Variants in ZNF561 observed in about 807,000 individuals in gnomAD.
ZNF561 encodes the protein zinc finger protein 561.
A neutral mutation model predicts 16.7 loss-of-function variants in ZNF561; 16 were observed. The observed-to-expected ratio is 0.96, with a 90% CI of 0.65 to 1.45. ZNF561 has a LOEUF of 1.45. Ranked by LOEUF, ZNF561 falls within the 40% of genes most tolerant of loss-of-function variation. The pLI is 0.00. For missense variants in ZNF561, 580 were observed against 578.0 expected (o/e 1.00, Z -0.04); for synonymous variants, 190 against 192.1 (o/e 0.99, Z 0.09).
Position 9,617,141 on chromosome 19 carries a change from C to T in ZNF561, c.145G>A (p.Asp49Asn). The change falls in exon 4 of 6, where the codon GAC (aspartate) becomes AAC (asparagine). Residue 49 changes from aspartate to asparagine, a missense_variant. Physicochemically the swap from Asp to Asn is conservative, Grantham distance 23. Transcript: ENST00000302851. Reference protein sequence around the residue: ...DSVTFDDVAVDFTPEEWALLD... With the variant: ...DSVTFDDVAVNFTPEEWALLD... ...AAAGCCCACTCCTCTGGGGTGAAGT[C>T]CACAGCCACATCATCAAACGTCACT... The T allele has an allele frequency of 6.2e-7, 1 of 1,613,326 alleles. No individual in the cohort carries two copies. Among genetic ancestry groups the T allele is most frequent in the Non-Finnish European group, 8.5e-7 (1 of 1,179,502 alleles).
Position 9,610,995 on chromosome 19 carries a change from C to T in ZNF561, c.666G>A (p.Glu222=). Residue 222 remains glutamate (E), a synonymous_variant, in exon 6 of 6, where the codon GAG becomes GAA. Transcript: ENST00000302851. ...LDNHMGIHTD[E]KLCEFQEYGR... is the part of the protein sequence containing the mutation. Reference sequence around the variant, plus strand: ...CATATTCCTGAAATTCACAGAGTTTCTCATCAGTGTGGATTCCCATATGAT... The same window carrying T: ...CATATTCCTGAAATTCACAGAGTTTTTCATCAGTGTGGATTCCCATATGAT... 1 of 1,614,166 alleles carries T rather than the reference C, an allele frequency of 6.2e-7. No individual in the cohort carries two copies. Among genetic ancestry groups the T allele is most frequent in the Non-Finnish European group, 8.5e-7 (1 of 1,180,028 alleles).
chr19:9,619,839 C>CTATCTATCTA (rs2074627428), intron 1 of ZNF561, among the ~76,000 whole-genome samples: 1 of 147,684 alleles, frequency 6.8e-6, no homozygotes, highest in Non-Finnish European at 1.5e-5. Context: ...ATCATTACCT[C>CTATCTATCTA]TATCTATCTA....
intron 2 of ZNF561, among the ~76,000 whole-genome samples, chr19:9,618,435 T>C (rs2074598551): frequency 1.3e-5 from 2 of 152,086 alleles, no homozygotes; most frequent in Admixed American, 6.6e-5. Flanking sequence ...CCCTGAAAAA[T>C]GTGACTCTCG....
At chr19:9,612,421 T>C (rs2074477378) in intron 5 of ZNF561, among the ~76,000 whole-genome samples, 2 of 152,166 alleles carry the variant, frequency 1.3e-5, no homozygotes, top group Admixed American at 1.3e-4. Flanking sequence ...GGTTTCCCCA[T>C]GTTCGCCAGG....
At position 9,608,073 on chromosome 19, in the gene ZNF561, G is replaced by GT. The variant is rs2074381839; in HGVS notation, c.*2126dup. On this transcript the variant is annotated 3_prime_UTR_variant, in exon 6 of 6. Transcript: ENST00000302851. ...TTTGTAGTAGAGACAGGGTTTCACC[G>GT]TGTTAACTAGGACAGTCTCGATCTC... The GT allele has an allele frequency of 6.6e-6, 1 of 152,064 alleles. No individual in the cohort carries two copies. Among genetic ancestry groups the GT allele is most frequent in the Non-Finnish European group, 1.5e-5 (1 of 68,060 alleles). 9.4% of individuals were successfully genotyped at this position (152,064 alleles called of 1,614,324 possible).
chr19:9,611,410 G>A (rs1277878707), intron 5 of ZNF561, 74 bp from the exon 6 acceptor site: 1 of 1,395,668 alleles, frequency 7.2e-7, no homozygotes, highest in East Asian at 2.4e-5. Context: ...GAACACAGAA[G>A]CATTTTGATG....
chr19:9,617,476 C>T, intron 3 of ZNF561: 1 of 321,790 alleles, frequency 3.1e-6, no homozygotes, highest in Non-Finnish European at 5.0e-6. Flanking sequence ...TAGAACAGTA[C>T]TTCCTAAAGA....
intron 5 of ZNF561, among the ~76,000 whole-genome samples, chr19:9,613,689 G>A (rs1352758054): frequency 6.6e-6 from 1 of 152,060 alleles, no homozygotes; most frequent in Non-Finnish European, 1.5e-5. Flanking sequence ...GGCTAATTTT[G>A]TATTCTTAGT....
chr19:9,613,440 G>A (rs2074497618), intron 5 of ZNF561, among the ~76,000 whole-genome samples: 1 of 152,052 alleles, frequency 6.6e-6, no homozygotes, highest in Non-Finnish European at 1.5e-5. Flanking sequence ...TCATTACATT[G>A]GCCAGGCTGG....
intron 5 of ZNF561, among the ~76,000 whole-genome samples, chr19:9,613,783 T>C (rs1204521213): frequency 2.0e-5 from 3 of 152,116 alleles, no homozygotes; most frequent in Non-Finnish European, 4.4e-5. Flanking sequence ...TCCCAAAATG[T>C]TGGGATTACA....
intron 4 of ZNF561, among the ~76,000 whole-genome samples, chr19:9,614,977 T>A (rs1431070765): frequency 6.6e-6 from 1 of 151,944 alleles, no homozygotes; most frequent in African/African-American, 2.4e-5. Flanking sequence ...TAGCTGGGAC[T>A]AAAGGCGTGT....
Position 9,610,551 on chromosome 19 carries a change from A to G in ZNF561, c.1110T>C (p.Cys370=). ...SGKKPYQCKE[C]GKAFTTSTSL... Reference sequence around the variant, plus strand: ...TTGTGGATGTAGTGAAGGCTTTCCCACATTCCTTACACTGATAGGGTTTCT... The same window carrying G: ...TTGTGGATGTAGTGAAGGCTTTCCCGCATTCCTTACACTGATAGGGTTTCT... Residue 370 remains cysteine, a synonymous_variant, in exon 6 of 6, where the codon TGT becomes TGC. Transcript: ENST00000302851. 6.2e-7 allele frequency: 1 copy of G among 1,613,954 alleles called. No homozygotes were observed. The highest frequency in any genetic ancestry group is 8.5e-7 in the Non-Finnish European group (1 of 1,179,836).
chr19:9,618,712 C>T (rs530750719), intron 2 of ZNF561, among the ~76,000 whole-genome samples: 33 of 150,166 alleles, frequency 2.2e-4, no homozygotes, highest in Admixed American at 3.3e-4. Flanking sequence ...GGTGACAGAG[C>T]AAGACTCCGT....
chr19:9,619,561 T>C lies in ZNF561; in HGVS notation c.-105A>G, dbSNP rs2074621543. 1.7e-6 allele frequency: 2 copies of C among 1,168,324 alleles called. No individual in the cohort carries two copies. The highest frequency in any genetic ancestry group is 1.3e-5 in the South Asian group (1 of 77,668). The allele number at this position is 1,168,324 out of a possible 1,614,324, so 72.4% of individuals were successfully genotyped here. On this transcript the variant is annotated 5_prime_UTR_variant, in exon 2 of 6. Coordinates refer to ENST00000302851, the MANE Select transcript of ZNF561 (RefSeq NM_152289.3). ...GGATAGAGGCAATCTCCATTCCTCT[T>C]TGTACAGGGTTATTTGCGGTCCTGT...
intron 4 of ZNF561, among the ~76,000 whole-genome samples, chr19:9,615,769 A>AT (rs2074543816): frequency 7.2e-6 from 1 of 139,012 alleles, no homozygotes; most frequent in South Asian, 2.2e-4. Flanking sequence ...AAAAAAAAAA[A>AT]ATTTAACTGG....
rs746505594 is a variant in ZNF561 at position 9,611,273 on chromosome 19, G to C, written c.388C>G (p.Gln130Glu). ...CKNCGEVFRE[Q>E]FCLKTHMRVQ... ...CTCATGTGTGTCTTAAGGCAAAACT[G>C]TTCCCTGAAGACCTCTCCACAATTC... is the stretch of plus-strand genomic sequence containing the variant. Residue 130 changes from glutamine to glutamate, a missense_variant, in exon 6 of 6, where the codon CAG becomes GAG. Transcript: ENST00000302851. 13 of 1,613,796 alleles carry C rather than the reference G, an allele frequency of 8.1e-6. No homozygotes were observed. Among genetic ancestry groups the C allele is most frequent in the Admixed American group, 6.7e-5 (4 of 59,976 alleles).
Position 9,611,178 on chromosome 19 carries a change from T to C in ZNF561, c.483A>G (p.Glu161=). Reference sequence around the variant, plus strand: ...TGGAAAGTTCCTGTCCAGTAGAGGCTTCCTTGTGCACACTGAGGGTGTCTT... The same window carrying C: ...TGGAAAGTTCCTGTCCAGTAGAGGCCTCCTTGTGCACACTGAGGGTGTCTT... ...YGKDTLSVHK[E]ASTGQELSKF... is the part of the protein sequence containing the mutation. The change falls in exon 6 of 6, where the codon GAA becomes GAG. Residue 161 remains glutamate, a synonymous_variant. Coordinates refer to ENST00000302851, the MANE Select transcript of ZNF561 (RefSeq NM_152289.3). 6.2e-7 allele frequency: 1 copy of C among 1,613,982 alleles called. No homozygotes were observed. Among genetic ancestry groups the C allele is most frequent in the Non-Finnish European group, 8.5e-7 (1 of 1,179,864 alleles).
In ZNF561 at chr19:9,609,594, G is replaced by C. The variant is rs184152758; in HGVS notation, c.*606C>G. ...CCACCTTGACAGAAGTGAGAAGAGA[G>C]ACTGGATTATACTAGAAGAGACATT... On this transcript the variant is annotated 3_prime_UTR_variant, in exon 6 of 6. Transcript: ENST00000302851. 6.6e-6 allele frequency: 1 copy of C among 152,316 alleles called. No individual in the cohort carries two copies. The highest frequency in any genetic ancestry group is 2.4e-5 in the African/African-American group (1 of 41,446). 9.4% of individuals were successfully genotyped at this position (152,316 alleles called of 1,614,324 possible).
At chr19:9,613,107 C>T (rs949292501) in intron 5 of ZNF561, among the ~76,000 whole-genome samples, 1 of 151,834 alleles carries the variant, frequency 6.6e-6, no homozygotes, top group Non-Finnish European at 1.5e-5. Flanking sequence ...TGTAGATTTT[C>T]ATGAAACTGT....
Sources: allele counts gnomAD v4.1 joint callset (sites outside exome capture counted in the v4.1 genomes callset), GRCh38; gene constraint gnomAD v4.1.1; transcripts MANE v1.5; gene names NCBI Gene and HGNC (gene_info 2026-07-23, HGNC 2026-07-21).